Variants in NRG1 observed in about 807,000 individuals in gnomAD.
The protein encoded by NRG1 is neuregulin 1.
Under a neutral mutation model 63.8 loss-of-function variants are expected in NRG1, and 18 were observed. That is an observed-to-expected ratio of 0.28 (90% CI 0.19 to 0.42). NRG1 has a LOEUF of 0.42. Ranked by LOEUF, NRG1 falls within the 10% of genes least tolerant of loss-of-function variation. The probability of loss-of-function intolerance (pLI) is 1.00; values close to 1 mark genes in which losing one functional copy is unlikely to be tolerated. For missense variants in NRG1, 762 were observed against 814.7 expected (o/e 0.94, Z 0.79); for synonymous variants, 302 against 301.3 (o/e 1.00, Z -0.02).
intron 1 of NRG1, among the ~76,000 whole-genome samples, chr8:32,157,049 C>CGTGT (rs34725608): frequency 0.1 from 14,333 of 140,846 alleles, 799 homozygotes; most frequent in African/African-American, 0.16. Context: ...AATTAAAACT[C>CGTGT]GTGTGTGTGT....
chr8:32,228,082 T>A (rs1383967), intron 1 of NRG1, among the ~76,000 whole-genome samples: 114,018 of 152,106 alleles, frequency 0.75, 43,825 homozygotes, highest in African/African-American at 0.91. Flanking sequence ...TTTTGTTTGT[T>A]TCTTTACTGC....
intron 1 of NRG1, among the ~76,000 whole-genome samples, chr8:31,758,026 T>C (rs1817151391): frequency 6.6e-6 from 1 of 152,106 alleles, no homozygotes; most frequent in Admixed American, 6.6e-5. Flanking sequence ...AATGGAAACA[T>C]ACAGTGGGTA....
intron 4 of NRG1, 111 bp from the exon 5 acceptor site, chr8:32,616,724 C>T (rs57944175): frequency 0.089 from 69,484 of 778,924 alleles, 11,008 homozygotes; most frequent in East Asian, 0.51. Context: ...CTCTGTTGCA[C>T]GGTGTTCTAC....
chr8:31,740,151 G>A (rs866654667), intron 1 of NRG1, among the ~76,000 whole-genome samples: 1 of 151,910 alleles, frequency 6.6e-6, no homozygotes, highest in African/African-American at 2.4e-5. Flanking sequence ...TATGTATTAG[G>A]CAATGCAAAG....
rs76096513 is a variant in NRG1, at chr8:31,827,011, A to G, written c.37+187580A>G. On this transcript the variant is annotated intron_variant, in intron 1 of 10. Transcript: ENST00000519301. ...TTGGGCTTTGGCAGGCAGTGACCTT[A>G]AAACTAGGAAAAACTGAGCTTTAAG... Among the ~76,000 whole-genome samples the G allele has an allele frequency of 4.6e-3, 703 of 152,316 alleles. 21 individuals are homozygous for G. The East Asian group carries it at 0.072, about 16-fold the overall frequency.
chr8:32,477,711 T>G lies in NRG1; in HGVS notation c.38-118117T>G, dbSNP rs143808421. 3.6e-3 allele frequency among the ~76,000 whole-genome samples: 550 copies of G among 152,272 alleles called. 1 individual carries two copies. The highest frequency in any genetic ancestry group is 0.01 in the Middle Eastern group (3 of 294). On this transcript the variant is annotated intron_variant, in intron 1 of 10. Transcript: ENST00000519301. The stretch of plus-strand genomic sequence containing the variant: ...GAGAGGAATAGAGGATACAGAAAGA[T>G]AAAAACTAAATCCAAAAATAGTATT...
chr8:32,084,135 C>T (rs1169401636), intron 1 of NRG1, among the ~76,000 whole-genome samples: 1 of 152,174 alleles, frequency 6.6e-6, no homozygotes, highest in African/African-American at 2.4e-5. Context: ...GCCCATTACC[C>T]TTATAGAAAC....
chr8:32,579,463 G>A (rs894099065), intron 1 of NRG1, among the ~76,000 whole-genome samples: 1 of 152,094 alleles, frequency 6.6e-6, no homozygotes, highest in African/African-American at 2.4e-5. Context: ...CAGCCTCTGG[G>A]ATTGAACTTC....
chr8:31,903,688 A>T (rs1832290354), intron 1 of NRG1, among the ~76,000 whole-genome samples: 2 of 152,110 alleles, frequency 1.3e-5, no homozygotes, highest in Non-Finnish European at 2.9e-5. Context: ...GGCATGGTGG[A>T]TCACGCGTGT....
intron 1 of NRG1, among the ~76,000 whole-genome samples, chr8:31,657,182 G>A (rs1356662030): frequency 6.6e-6 from 1 of 152,126 alleles, no homozygotes; most frequent in Non-Finnish European, 1.5e-5. Flanking sequence ...TTTACTTTGG[G>A]TGCAATAACA....
At chr8:32,610,598 AT>A (rs1329616558) in intron 3 of NRG1, among the ~76,000 whole-genome samples, 1 of 152,206 alleles carries the variant, frequency 6.6e-6, no homozygotes, top group Non-Finnish European at 1.5e-5. Flanking sequence ...GGCCATACTT[AT>A]ACTGTTTTCA....
intron 1 of NRG1, among the ~76,000 whole-genome samples, chr8:31,755,600 G>C (rs1816887980): frequency 6.6e-6 from 1 of 152,104 alleles, no homozygotes; most frequent in African/African-American, 2.4e-5. Context: ...AACCTTGCCT[G>C]CGGGTTAATG....
intron 1 of NRG1, among the ~76,000 whole-genome samples, chr8:31,649,880 G>A (rs1168510914): frequency 2.6e-5 from 4 of 152,086 alleles, no homozygotes; most frequent in Non-Finnish European, 5.9e-5. Context: ...TTCATTAATT[G>A]CCTCTACCCC....
intron 1 of NRG1, among the ~76,000 whole-genome samples, chr8:32,131,528 A>G (rs1834823587): frequency 6.6e-6 from 1 of 152,004 alleles, no homozygotes; most frequent in East Asian, 1.9e-4. Flanking sequence ...AGTTCTACCA[A>G]ATGTCTCTGC....
chr8:32,183,513 C>T (rs1167428955), intron 1 of NRG1, among the ~76,000 whole-genome samples: 2 of 152,286 alleles, frequency 1.3e-5, no homozygotes, highest in East Asian at 1.9e-4. Context: ...AGCCAGTGAA[C>T]GCATGTAAAT....
intron 6 of NRG1, among the ~76,000 whole-genome samples, chr8:32,729,510 C>T (rs765324928): frequency 7.2e-5 from 11 of 152,106 alleles, no homozygotes; most frequent in Non-Finnish European, 1.6e-4. Context: ...ACCATTTTGT[C>T]ACAAAAACTG....
intron 1 of NRG1, among the ~76,000 whole-genome samples, chr8:32,333,355 G>A (rs1018627244): frequency 6.6e-6 from 1 of 151,762 alleles, no homozygotes; most frequent in Non-Finnish European, 1.5e-5. Flanking sequence ...CAGTGTAGAT[G>A]TATCACAATG....
At chr8:32,203,262 C>G (rs1843680700) in intron 1 of NRG1, among the ~76,000 whole-genome samples, 1 of 144,986 alleles carries the variant, frequency 6.9e-6, no homozygotes, top group South Asian at 2.2e-4. Context: ...AACTGGCAAC[C>G]AGAAACAGAA....
Position 32,355,623 on chromosome 8 carries a change from TC to T in NRG1, c.38-240199del, listed in dbSNP as rs1283238911. ...TATAAACAAGTGTTTTACCCACCCA[TC>T]CCCCCTCAAATAAAGAAAAAAGACA... On this transcript the variant is annotated intron_variant, in intron 1 of 10. Coordinates refer to the NRG1 transcript ENST00000519301. Among the ~76,000 whole-genome samples, 6 of 141,938 alleles carry T rather than the reference TC, an allele frequency of 4.2e-5. No individual in the cohort carries two copies. In the East Asian group the frequency reaches 1.2e-3, roughly 29 times the overall value. The allele number at this position is 141,938 out of a possible 152,430, so 93.1% of individuals were successfully genotyped here.
Sources: gnomAD v4.1 joint callset for allele counts (sites outside exome capture counted in the v4.1 genomes callset) on GRCh38, gnomAD v4.1.1 for gene constraint, MANE v1.5 for transcripts, NCBI Gene and HGNC (gene_info 2026-07-23, HGNC 2026-07-21) for gene names.